RBFOX1: variants seen among roughly 807,000 people sequenced by gnomAD.
RBFOX1 encodes the protein RNA binding protein fox-1 homolog 1.
Under a neutral mutation model 57.7 loss-of-function variants are expected in RBFOX1, and 8 were observed. The observed-to-expected ratio is 0.14, with a 90% confidence interval of 0.08 to 0.25. The LOEUF is 0.25. Ranked by LOEUF, RBFOX1 falls within the 10% of genes least tolerant of loss-of-function variation. The pLI, the probability that RBFOX1 is intolerant of heterozygous loss-of-function variation, is 1.00. For synonymous variants in RBFOX1, 326 were observed against 222.4 expected, an observed-to-expected ratio of 1.47 and a Z score of -4.15; for missense variants, 611 against 548.5, an observed-to-expected ratio of 1.11 and a Z score of -1.14.
At chr16:5,462,530 A>G (rs1229381764) in intron 1 of RBFOX1, among the ~76,000 whole-genome samples, 1 of 152,172 alleles carries the variant, frequency 6.6e-6, no homozygotes, top group Non-Finnish European at 1.5e-5. Context: ...CAGGATACAC[A>G]ATAACTCAAG....
At chr16:6,116,178 C>G (rs996373038) in intron 1 of RBFOX1, among the ~76,000 whole-genome samples, 1 of 151,646 alleles carries the variant, frequency 6.6e-6, no homozygotes, top group Non-Finnish European at 1.5e-5. Flanking sequence ...AACAGAAAAC[C>G]GAACACCGTA....
chr16:5,630,751 C>T (rs2048482286), intron 3 of RBFOX1, among the ~76,000 whole-genome samples: 1 of 152,124 alleles, frequency 6.6e-6, no homozygotes, highest in Non-Finnish European at 1.5e-5. Flanking sequence ...ATCTGGAGGG[C>T]CAGGCTCTAA....
intron 3 of RBFOX1, among the ~76,000 whole-genome samples, chr16:6,924,671 C>CT (rs111363554): frequency 6.7e-5 from 10 of 149,474 alleles, no homozygotes; most frequent in Non-Finnish European, 1.5e-4. Flanking sequence ...TACCTTTATT[C>CT]TTTTTTTTTT....
intron 11 of RBFOX1, among the ~76,000 whole-genome samples, chr16:7,643,429 C>T (rs758903061): frequency 8.5e-5 from 13 of 152,154 alleles, no homozygotes; most frequent in African/African-American, 1.7e-4. Context: ...TATAGAAAAA[C>T]GTGCAATAGC....
At chr16:6,908,342 A>C (rs543579883) in intron 3 of RBFOX1, among the ~76,000 whole-genome samples, 1 of 147,056 alleles carries the variant, frequency 6.8e-6, no homozygotes, top group African/African-American at 2.4e-5. Context: ...CATCCAAGTT[A>C]CTCTGCCTTT....
At chr16:6,019,005 G>T (rs2095019777), upstream of RBFOX1, 6 of 800,688 alleles carry the variant, frequency 7.5e-6, no homozygotes, top group Non-Finnish European at 9.1e-6. The surrounding 1 kb of genome is among the most constrained non-coding windows in gnomAD (Gnocchi z 4.2). Context: ...AAGGGGGAGG[G>T]GGCGCTCCCT....
chr16:7,638,522 C>G (rs1003297238), intron 11 of RBFOX1, among the ~76,000 whole-genome samples: 1 of 152,166 alleles, frequency 6.6e-6, no homozygotes, highest in African/African-American at 2.4e-5. Context: ...CTATTTGGGC[C>G]AAGGCTGTGC....
chr16:7,090,824 A>T (rs2060712006), intron 4 of RBFOX1, among the ~76,000 whole-genome samples: 1 of 152,102 alleles, frequency 6.6e-6, no homozygotes, highest in South Asian at 2.1e-4. Context: ...TGAGGATGTG[A>T]TCTGAGCTGA....
intron 1 of RBFOX1, among the ~76,000 whole-genome samples, chr16:5,343,025 A>G (rs186616358): frequency 1.6e-4 from 24 of 152,298 alleles, no homozygotes; most frequent in African/African-American, 5.8e-4. Flanking sequence ...AGTCAATGGC[A>G]TTCCATTACC....
intron 3 of RBFOX1, among the ~76,000 whole-genome samples, chr16:6,692,887 C>T (rs560178019): frequency 6.6e-6 from 1 of 151,260 alleles, no homozygotes; most frequent in Non-Finnish European, 1.5e-5. Context: ...ATTACTATCA[C>T]CACCATCATT....
intron 3 of RBFOX1, among the ~76,000 whole-genome samples, chr16:6,779,018 C>G (rs936872379): frequency 4.6e-5 from 7 of 151,778 alleles, no homozygotes; most frequent in Non-Finnish European, 1.0e-4. Flanking sequence ...TGCAAACATT[C>G]CAAAACTACT....
At chr16:5,445,259 A>C (rs978722729) in intron 1 of RBFOX1, among the ~76,000 whole-genome samples, 1 of 152,222 alleles carries the variant, frequency 6.6e-6, no homozygotes, top group Non-Finnish European at 1.5e-5. Context: ...GAAAATCAAC[A>C]GGACATGGTA....
intron 1 of RBFOX1, among the ~76,000 whole-genome samples, chr16:5,309,323 A>G (rs949635178): frequency 6.6e-6 from 1 of 152,058 alleles, no homozygotes; most frequent in Non-Finnish European, 1.5e-5. Flanking sequence ...TCACTTAGAG[A>G]TATCTAGTCA....
intron 2 of RBFOX1, among the ~76,000 whole-genome samples, chr16:6,484,482 T>G (rs1288445316): frequency 6.6e-6 from 1 of 152,168 alleles, no homozygotes; most frequent in Admixed American, 6.5e-5. Flanking sequence ...AGAGTTGCCT[T>G]CTTCTGAGAT....
At chr16:7,548,480 T>G (rs995460696) in intron 5 of RBFOX1, among the ~76,000 whole-genome samples, 2 of 152,136 alleles carry the variant, frequency 1.3e-5, no homozygotes, top group African/African-American at 4.8e-5. Context: ...CTTTAAACAT[T>G]TACATTTGAC....
intron 3 of RBFOX1, chr16:6,723,601 G>A (rs2066483633): frequency 6.6e-6 from 1 of 152,196 alleles, no homozygotes; most frequent in Non-Finnish European, 1.5e-5. Flanking sequence ...GATATCTTGA[G>A]TGAGCCCTGT....
chr16:5,877,711 G>A lies in RBFOX1; in HGVS notation c.351+10376G>A, dbSNP rs557518870. Among the ~76,000 whole-genome samples the A allele has an allele frequency of 7.9e-5, 12 of 152,382 alleles. No individual in the cohort carries two copies. In the East Asian group the frequency reaches 2.3e-3, roughly 29 times the overall value. On this transcript the variant is annotated intron_variant, in intron 4 of 19. Transcript: ENST00000641259. ...GGAGTGTGCCCAGAGTAGCAGCTCA[G>A]AGGCAGTTGTGCAGTCATATTTAGA...
intron 4 of RBFOX1, among the ~76,000 whole-genome samples, chr16:5,901,231 C>T (rs1025643952): frequency 1.3e-5 from 2 of 152,196 alleles, no homozygotes; most frequent in African/African-American, 4.8e-5. Context: ...TCCATCTCCT[C>T]ATCCCCCGTT....
At chr16:6,038,296 C>T (rs1250731948) in intron 1 of RBFOX1, 3 of 150,514 alleles carry the variant, frequency 2.0e-5, no homozygotes, top group African/African-American at 7.3e-5. Flanking sequence ...ATTCTCCTGC[C>T]TGAGCCTCCT....
Sources: gnomAD v4.1 joint callset for allele counts (sites outside exome capture counted in the v4.1 genomes callset) on GRCh38, gnomAD v4.1.1 for gene constraint, Gnocchi (gnomAD v3.1) non-coding constraint, MANE v1.5 for transcripts, NCBI Gene and HGNC (gene_info 2026-07-23, HGNC 2026-07-21) for gene names.